MAPK1IP1L: variants seen among roughly 807,000 people sequenced by gnomAD.
The protein encoded by MAPK1IP1L is mitogen-activated protein kinase 1 interacting protein 1 like.
A neutral mutation model predicts 18.1 loss-of-function variants in MAPK1IP1L; 10 were observed. The ratio of observed to expected loss-of-function variants is 0.55; its 90% CI spans 0.34 to 0.94. The LOEUF (loss-of-function observed/expected upper bound fraction) is 0.94. Ranked by LOEUF, MAPK1IP1L falls within the 40% of genes least tolerant of loss-of-function variation. The pLI, the probability that MAPK1IP1L is intolerant of heterozygous loss-of-function variation, is 0.02. For synonymous variants in MAPK1IP1L, 115 were observed against 117.3 expected, an observed-to-expected ratio of 0.98 and a Z score of 0.13; for missense variants, 260 against 318.2, an observed-to-expected ratio of 0.82 and a Z score of 1.39.
chr14:55,059,755 G>A (rs747646633), intron 1 of MAPK1IP1L, among the ~76,000 whole-genome samples: 2 of 152,068 alleles, frequency 1.3e-5, no homozygotes, highest in Non-Finnish European at 2.9e-5. Flanking sequence ...TGTAAACTGG[G>A]GGTGAAAATA....
At chr14:55,064,229 A>G (rs1389334863) in intron 3 of MAPK1IP1L, among the ~76,000 whole-genome samples, 1 of 151,436 alleles carries the variant, frequency 6.6e-6, no homozygotes, top group Admixed American at 6.6e-5. Context: ...CCTGACCTCA[A>G]GTGATCCGCC....
intron 1 of MAPK1IP1L, among the ~76,000 whole-genome samples, chr14:55,055,999 G>T (rs1273212828): frequency 6.6e-6 from 1 of 152,098 alleles, no homozygotes; most frequent in African/African-American, 2.4e-5. Flanking sequence ...CGGACCTTAG[G>T]TAATTAAAAC....
chr14:55,068,287 T>C lies in MAPK1IP1L; in HGVS notation c.*3660T>C, dbSNP rs1203665475. ...CCACCACAATGGACTATTGGGATAT[T>C]TTCTAAAAAACCAATCAATTTGCCC... On this transcript the variant is annotated 3_prime_UTR_variant, in exon 4 of 4. Transcript: ENST00000395468. The C allele has an allele frequency of 6.6e-6, 1 of 152,630 alleles. No homozygotes were observed. The highest frequency in any genetic ancestry group is 2.4e-5 in the African/African-American group (1 of 41,446). 9.5% of individuals were successfully genotyped at this position (152,630 alleles called of 1,614,324 possible). A position where few individuals can be genotyped will look rare whatever the true frequency, so the allele number is the denominator to read the frequency against.
intron 1 of MAPK1IP1L, among the ~76,000 whole-genome samples, chr14:55,057,602 C>G (rs976323006): frequency 6.6e-6 from 1 of 151,950 alleles, no homozygotes; most frequent in African/African-American, 2.4e-5. Flanking sequence ...ACTAAAAATA[C>G]AAAAATTAGT....
rs767605387 is a variant in MAPK1IP1L, at chr14:55,066,027, A to G, written c.*1400A>G. 14 of 151,546 alleles carry G rather than the reference A, an allele frequency of 9.2e-5. No individual in the cohort carries two copies. Among genetic ancestry groups the G allele is most frequent in the Middle Eastern group, 3.4e-3 (1 of 290 alleles). 9.4% of individuals were successfully genotyped at this position (151,546 alleles called of 1,614,324 possible). A position where few individuals can be genotyped will look rare whatever the true frequency, so the allele number is the denominator to read the frequency against. On this transcript the variant is annotated 3_prime_UTR_variant, in exon 4 of 4. Coordinates refer to ENST00000395468, the MANE Select transcript of MAPK1IP1L (RefSeq NM_144578.4). ...TTTTTTGGCACCTTATGTTTAAATC[A>G]GATTCTTAGATTTGGAGTAGACCTG... is the stretch of plus-strand genomic sequence containing the variant.
chr14:55,063,376 T>A, intron 3 of MAPK1IP1L, 51 bp downstream of exon 3: 1 of 1,443,534 alleles, frequency 6.9e-7, no homozygotes, highest in Non-Finnish European at 9.4e-7. Context: ...ATAGCACAAC[T>A]GACATTGTTT....
intron 1 of MAPK1IP1L, among the ~76,000 whole-genome samples, chr14:55,054,347 T>G (rs1378604835): frequency 6.6e-6 from 1 of 152,026 alleles, no homozygotes; most frequent in Non-Finnish European, 1.5e-5. Flanking sequence ...GTTTTACCAT[T>G]GGCCAGGCTG....
At position 55,068,994 on chromosome 14, in the gene MAPK1IP1L, G is replaced by GTGAC. The variant is rs991642810; in HGVS notation, c.*4368_*4371dup. The GTGAC allele has an allele frequency of 6.6e-6, 1 of 151,576 alleles. No individual in the cohort carries two copies. Among genetic ancestry groups the GTGAC allele is most frequent in the African/African-American group, 2.4e-5 (1 of 41,240 alleles). The allele number at this position is 151,576 out of a possible 1,614,324, so 9.4% of individuals were successfully genotyped here. A position where few individuals can be genotyped will look rare whatever the true frequency, so the allele number is the denominator to read the frequency against. ...AACCAGCCTTTGGGCATCTTAAAGGGTGACATGTGGCATGCCTTTTTTTTT... is the reference window on the plus strand; with the variant it reads ...AACCAGCCTTTGGGCATCTTAAAGGGTGACTGACATGTGGCATGCCTTTTTTTTT... On this transcript the variant is annotated 3_prime_UTR_variant, in exon 4 of 4. Transcript: ENST00000395468.
At chr14:55,056,589 A>T (rs2042773190) in intron 1 of MAPK1IP1L, among the ~76,000 whole-genome samples, 1 of 152,154 alleles carries the variant, frequency 6.6e-6, no homozygotes, top group African/African-American at 2.4e-5. Context: ...AGCTCACTGC[A>T]AGCTCCGCCT....
intron 3 of MAPK1IP1L, among the ~76,000 whole-genome samples, chr14:55,064,139 C>T (rs192599575): frequency 4.7e-5 from 7 of 147,898 alleles, no homozygotes; most frequent in East Asian, 2.1e-4. Flanking sequence ...GGATTACAGG[C>T]GTGTGCCACC....
At chr14:55,058,179 G>A (rs939709240) in intron 1 of MAPK1IP1L, among the ~76,000 whole-genome samples, 4 of 152,162 alleles carry the variant, frequency 2.6e-5, no homozygotes, top group Non-Finnish European at 4.4e-5. Flanking sequence ...TTGGGATATG[G>A]GAGGAAACTG....
intron 1 of MAPK1IP1L, among the ~76,000 whole-genome samples, chr14:55,055,840 G>C (rs568023655): frequency 3.3e-5 from 5 of 152,306 alleles, no homozygotes; most frequent in Admixed American, 2.0e-4. Flanking sequence ...TCAGGTAGGA[G>C]AATCACTTAA....
Position 55,063,000 on chromosome 14 carries a change from C to T in MAPK1IP1L, c.401C>T (p.Thr134Ile), listed in dbSNP as rs774810833. The change falls in exon 3 of 4, where the codon ACA (threonine) becomes ATA (isoleucine). Residue 134 changes from threonine (T) to isoleucine (I), a missense_variant. Transcript: ENST00000395468. ...CTACCCAGACCATATGGTGCACCCA[C>T]AGATCCAGCTGCAGCTGGTCCTTTA... is the stretch of plus-strand genomic sequence containing the variant. Reference protein sequence around the residue: ...PELPRPYGAPTDPAAAGPLGP... With the variant: ...PELPRPYGAPIDPAAAGPLGP... 4.3e-6 allele frequency: 7 copies of T among 1,613,730 alleles called. No individual in the cohort carries two copies. Among genetic ancestry groups the T allele is most frequent in the African/African-American group, 1.3e-5 (1 of 74,940 alleles).
At chr14:55,059,732 C>G (rs1008574036) in intron 1 of MAPK1IP1L, among the ~76,000 whole-genome samples, 1 of 152,172 alleles carries the variant, frequency 6.6e-6, no homozygotes, top group Admixed American at 6.5e-5. Flanking sequence ...TGCCAAGCTT[C>G]CTCTTCTCCA....
At position 55,063,075 on chromosome 14, in the gene MAPK1IP1L, G is replaced by A. The variant is rs1340772506; in HGVS notation, c.476G>A (p.Gly159Glu). ...GGACCTTGGGCGCCAGGAATGGGAG[G>A]GCAGTATCCTACCCCTAATATGCCA... is the stretch of plus-strand genomic sequence containing the variant. ...SSGPWAPGMG[G>E]QYPTPNMPYP... Residue 159 changes from glycine (G) to glutamate (E), a missense_variant, in exon 3 of 4, where the codon GGG becomes GAG. Transcript: ENST00000395468. 2.5e-6 allele frequency: 4 copies of A among 1,613,376 alleles called. No homozygotes were observed. The highest frequency in any genetic ancestry group is 3.4e-6 in the Non-Finnish European group (4 of 1,179,946).
intron 1 of MAPK1IP1L, among the ~76,000 whole-genome samples, chr14:55,059,546 C>G (rs1317867177): frequency 6.6e-6 from 1 of 152,162 alleles, no homozygotes; most frequent in Non-Finnish European, 1.5e-5. Context: ...CCACTGCACT[C>G]TGGCCAGGGA....
intron 1 of MAPK1IP1L, among the ~76,000 whole-genome samples, chr14:55,058,600 G>A (rs2140258863): frequency 6.6e-6 from 1 of 152,330 alleles, no homozygotes; most frequent in Admixed American, 6.5e-5. Flanking sequence ...GGAGGCTGAG[G>A]CGGGCGGATC....
Position 55,062,908 on chromosome 14 carries a change from A to G in MAPK1IP1L, c.309A>G (p.Pro103=), listed in dbSNP as rs1566764059. The part of the protein sequence containing the change: ...PSCPPPGGPY[P]APTVPGPGPT... ...GTCCCCCACCTGGTGGTCCTTATCC[A>G]GCCCCAACTGTGCCGGGCCCTGGCC... is the stretch of plus-strand genomic sequence containing the variant. The change falls in exon 3 of 4, where the codon CCA becomes CCG. Residue 103 remains proline (P), a synonymous_variant. Transcript: ENST00000395468. 6.2e-7 allele frequency: 1 copy of G among 1,613,716 alleles called. No individual in the cohort carries two copies.
At chr14:55,053,372 A>G (rs2042745703) in intron 1 of MAPK1IP1L, among the ~76,000 whole-genome samples, 1 of 152,200 alleles carries the variant, frequency 6.6e-6, no homozygotes, top group Non-Finnish European at 1.5e-5. Flanking sequence ...TTTACCTATA[A>G]GCTAGATGTC....
Sources: allele counts gnomAD v4.1 joint callset (sites outside exome capture counted in the v4.1 genomes callset), GRCh38; gene constraint gnomAD v4.1.1; transcripts MANE v1.5; gene names NCBI Gene and HGNC (gene_info 2026-07-23, HGNC 2026-07-21).